RAB10: variants seen among roughly 807,000 people sequenced by gnomAD.
RAB10 encodes ras-related protein Rab-10.
A neutral mutation model predicts 25.7 loss-of-function variants in RAB10; 5 were observed. That is an observed-to-expected ratio of 0.19 (90% CI 0.10 to 0.41). RAB10 has a LOEUF of 0.41. Among genes scored for constraint, RAB10 ranks in the 10% least tolerant of loss-of-function variants. The probability of loss-of-function intolerance (pLI) is 1.00; values close to 1 mark genes in which losing one functional copy is unlikely to be tolerated. For missense variants in RAB10, 103 were observed against 245.8 expected, an observed-to-expected ratio of 0.42 and a Z score of 3.89; for synonymous variants, 89 against 86.4, an observed-to-expected ratio of 1.03 and a Z score of -0.16.
At chr2:26,043,353 C>T (rs1404264048) in intron 1 of RAB10, among the ~76,000 whole-genome samples, 2 of 152,022 alleles carry the variant, frequency 1.3e-5, no homozygotes, top group Non-Finnish European at 2.9e-5. Context: ...ACCCGGGAAG[C>T]GGAGGTTGCA....
chr2:26,071,152 T>C (rs1004995883), intron 1 of RAB10, among the ~76,000 whole-genome samples: 4 of 152,196 alleles, frequency 2.6e-5, no homozygotes, highest in Non-Finnish European at 5.9e-5. Context: ...ATCTTTTTGG[T>C]GTATGATGAA....
chr2:26,071,222 C>CA (rs1666619688), intron 1 of RAB10, among the ~76,000 whole-genome samples: 1 of 152,146 alleles, frequency 6.6e-6, no homozygotes, highest in Admixed American at 6.5e-5. Flanking sequence ...TTGTCTCAAG[C>CA]AAAGGCACTT....
intron 3 of RAB10, among the ~76,000 whole-genome samples, chr2:26,117,610 A>T (rs1275169392): frequency 7.3e-6 from 1 of 137,174 alleles, no homozygotes; most frequent in South Asian, 2.3e-4. Context: ...ACAGAGCGAG[A>T]CTCCGTCTCA....
chr2:26,073,917 A>G (rs1452422197), intron 1 of RAB10, among the ~76,000 whole-genome samples: 1 of 152,232 alleles, frequency 6.6e-6, no homozygotes, highest in Non-Finnish European at 1.5e-5. Context: ...TACAATGGGT[A>G]CATTGATTAC....
intron 3 of RAB10, among the ~76,000 whole-genome samples, chr2:26,120,107 A>AC (rs1300547387): frequency 6.6e-6 from 1 of 152,204 alleles, no homozygotes; most frequent in Non-Finnish European, 1.5e-5. Flanking sequence ...GCCTGCTTGC[A>AC]CCTAACTTAC....
chr2:26,041,007 T>C (rs2149260955), intron 1 of RAB10, among the ~76,000 whole-genome samples: 1 of 151,644 alleles, frequency 6.6e-6, no homozygotes, highest in East Asian at 1.9e-4. Flanking sequence ...GGCACCAGAA[T>C]ATAAGTTGCA....
chr2:26,067,071 C>G (rs1666529273), intron 1 of RAB10, among the ~76,000 whole-genome samples: 1 of 152,078 alleles, frequency 6.6e-6, no homozygotes, highest in African/African-American at 2.4e-5. Context: ...TGTGAGCCAC[C>G]ATGCCGCTCT....
In RAB10 at chr2:26,136,900, C is replaced by T. The variant is rs868317696; in HGVS notation, c.*1879C>T. On this transcript the variant is annotated 3_prime_UTR_variant, in exon 6 of 6. Coordinates refer to ENST00000264710, the MANE Select transcript of RAB10 (RefSeq NM_016131.5). ...AAAAAGCAGCATTGCCAAATAATCC[C>T]TAATTTTCCACTAAAAATATAATGA... 3 of 152,636 alleles carry T rather than the reference C, an allele frequency of 2.0e-5. No homozygotes were observed. The highest frequency in any genetic ancestry group is 2.1e-4 in the South Asian group (1 of 4,838). 9.5% of individuals were successfully genotyped at this position (152,636 alleles called of 1,614,324 possible). A position where few individuals can be genotyped will look rare whatever the true frequency, so the allele number is the denominator to read the frequency against.
intron 1 of RAB10, among the ~76,000 whole-genome samples, chr2:26,038,133 G>A (rs568174023): frequency 1.3e-5 from 2 of 151,626 alleles, no homozygotes; most frequent in African/African-American, 4.8e-5. Context: ...TGATCTGCCC[G>A]CCTCAGCGTC....
upstream of RAB10, among the ~76,000 whole-genome samples, chr2:26,033,587 C>A (rs573987615): frequency 1.5e-4 from 23 of 152,354 alleles, no homozygotes; most frequent in South Asian, 3.1e-3. Flanking sequence ...ACCCAGGGCG[C>A]GGCTTTTTCT....
rs1668118301 is a variant in RAB10, at chr2:26,136,611, C to T, written c.*1590C>T. ...TGCTGCTAGCATCCTAAGATGATAC[C>T]TTTGTTGAAAGAATTGTGAATAGCA... is the stretch of plus-strand genomic sequence containing the variant. On this transcript the variant is annotated 3_prime_UTR_variant, in exon 6 of 6. Transcript: ENST00000264710. 6.6e-6 allele frequency: 1 copy of T among 152,502 alleles called. No homozygotes were observed. The highest frequency in any genetic ancestry group is 1.5e-5 in the Non-Finnish European group (1 of 68,040). 9.4% of individuals were successfully genotyped at this position (152,502 alleles called of 1,614,324 possible).
chr2:26,111,421 A>G (rs1667569615), intron 3 of RAB10, among the ~76,000 whole-genome samples: 1 of 152,110 alleles, frequency 6.6e-6, no homozygotes, highest in Non-Finnish European at 1.5e-5. Flanking sequence ...CCTGACCAAC[A>G]TGGAGAAACC....
At chr2:26,110,825 T>C (rs556875929) in intron 3 of RAB10, among the ~76,000 whole-genome samples, 1 of 151,924 alleles carries the variant, frequency 6.6e-6, no homozygotes, top group Non-Finnish European at 1.5e-5. Context: ...AGTGTCTTAG[T>C]GTCTTGAGTA....
chr2:26,134,549 A>G (rs1457791378), intron 5 of RAB10, among the ~76,000 whole-genome samples: 2 of 152,262 alleles, frequency 1.3e-5, no homozygotes, highest in Non-Finnish European at 2.9e-5. Context: ...ATAACAGAAA[A>G]GGGCAGTTTT....
chr2:26,061,852 G>C (rs931372698), intron 1 of RAB10, among the ~76,000 whole-genome samples: 1 of 150,964 alleles, frequency 6.6e-6, no homozygotes, highest in African/African-American at 2.4e-5. Context: ...GACCTCCTGG[G>C]CTCAAGTGCT....
chr2:26,124,700 C>G (rs1323004803), intron 3 of RAB10, among the ~76,000 whole-genome samples: 1 of 152,024 alleles, frequency 6.6e-6, no homozygotes, highest in Non-Finnish European at 1.5e-5. Flanking sequence ...TCACCACCAT[C>G]CATTTCCAGA....
intron 1 of RAB10, among the ~76,000 whole-genome samples, chr2:26,040,354 AT>A (rs961025162): frequency 1.1e-4 from 16 of 151,954 alleles, no homozygotes; most frequent in Admixed American, 6.6e-5. Flanking sequence ...TCTATAAATG[AT>A]TTATAGAGAA....
intron 1 of RAB10, among the ~76,000 whole-genome samples, chr2:26,091,809 T>C (rs913800173): frequency 2.0e-5 from 3 of 152,046 alleles, no homozygotes; most frequent in Non-Finnish European, 2.9e-5. Context: ...GATGAGTGGC[T>C]AGAAAGGTAG....
chr2:26,110,971 G>T (rs1667557312), intron 3 of RAB10, among the ~76,000 whole-genome samples: 1 of 152,258 alleles, frequency 6.6e-6, no homozygotes, highest in Admixed American at 6.5e-5. Flanking sequence ...CTCCTGAAGT[G>T]CTAGGATTGC....
Sources: allele counts gnomAD v4.1 joint callset (sites outside exome capture counted in the v4.1 genomes callset), GRCh38; gene constraint gnomAD v4.1.1; transcripts MANE v1.5; gene names NCBI Gene and HGNC (gene_info 2026-07-23, HGNC 2026-07-21).